WSB1: variants seen among roughly 807,000 people sequenced by gnomAD.
WSB1 encodes the protein WD repeat and SOCS box containing 1.
WSB1 carries 23 observed loss-of-function variants against 50.2 expected under a neutral mutation model. That is an observed-to-expected ratio of 0.46 (90% CI 0.33 to 0.65). The LOEUF is 0.65. Ranked by LOEUF, WSB1 falls within the 30% of genes least tolerant of loss-of-function variation. WSB1 has a pLI of 0.02. For missense variants in WSB1, 492 were observed against 522.3 expected, an observed-to-expected ratio of 0.94 and a Z score of 0.56; for synonymous variants, 179 against 172.0, an observed-to-expected ratio of 1.04 and a Z score of -0.32.
intron 1 of WSB1, among the ~76,000 whole-genome samples, chr17:27,299,400 A>G (rs2017129025): frequency 6.6e-6 from 1 of 152,154 alleles, no homozygotes; most frequent in Admixed American, 6.5e-5. Flanking sequence ...GGTCCCAGCT[A>G]CTTGGGAGGC....
In WSB1 at chr17:27,314,631, A is replaced by G. The variant is rs1473183235; in HGVS notation, c.*2262A>G. The stretch of plus-strand genomic sequence containing the variant: ...CATTATTTTTGCTTTCCACACCAAC[A>G]TATCCAGTCAAGTAAAAACAGCTTT... On this transcript the variant is annotated 3_prime_UTR_variant, in exon 9 of 9. Coordinates refer to ENST00000262394, the MANE Select transcript of WSB1 (RefSeq NM_015626.10). 1.3e-5 allele frequency: 2 copies of G among 152,098 alleles called. No individual in the cohort carries two copies. Among genetic ancestry groups the G allele is most frequent in the South Asian group, 2.1e-4 (1 of 4,824 alleles). 9.4% of individuals were successfully genotyped at this position (152,098 alleles called of 1,614,324 possible).
chr17:27,294,142 G>A lies in WSB1; in HGVS notation c.-254G>A. 3.0e-6 allele frequency: 1 copy of A among 336,890 alleles called. No homozygotes were observed. The highest frequency in any genetic ancestry group is 5.4e-6 in the Non-Finnish European group (1 of 185,214). The allele number at this position is 336,890 out of a possible 1,614,324, so 20.9% of individuals were successfully genotyped here. A position where few individuals can be genotyped will look rare whatever the true frequency, so the allele number is the denominator to read the frequency against. On this transcript the variant is annotated 5_prime_UTR_variant, in exon 1 of 9. Coordinates refer to ENST00000262394, the MANE Select transcript of WSB1 (RefSeq NM_015626.10). Reference sequence around the variant, plus strand: ...GTCTCGTTTGCAGTCGGCGCTTTAGGGGAACTGTCTTCCTCCGCAGGCGCG... The same window carrying A: ...GTCTCGTTTGCAGTCGGCGCTTTAGAGGAACTGTCTTCCTCCGCAGGCGCG...
At chr17:27,311,667 A>G (rs375518764) in intron 8 of WSB1, 51 bp downstream of exon 8, 16 of 1,057,770 alleles carry the variant, frequency 1.5e-5, no homozygotes, top group Non-Finnish European at 1.8e-5. Flanking sequence ...TTTGAGATGT[A>G]GTCTCCCAGG....
intron 7 of WSB1, among the ~76,000 whole-genome samples, chr17:27,311,283 G>A (rs1428182524): frequency 6.6e-6 from 1 of 152,180 alleles, no homozygotes; most frequent in African/African-American, 2.4e-5. Context: ...AGGGAAGGCA[G>A]CCATGCATTG....
rs1456231824 is a variant in WSB1, at chr17:27,294,304, A to G, written c.-92A>G. ...TCCTCTGTCCCTGGGCCCGGGAGGGACCAACTTGGCGTCACGCCCCTCAGC... is the reference window on the plus strand; with the variant it reads ...TCCTCTGTCCCTGGGCCCGGGAGGGGCCAACTTGGCGTCACGCCCCTCAGC... On this transcript the variant is annotated 5_prime_UTR_variant, in exon 1 of 9. Transcript: ENST00000262394. 13 of 1,547,648 alleles carry G rather than the reference A, an allele frequency of 8.4e-6. No homozygotes were observed. The highest frequency in any genetic ancestry group is 2.3e-5 in the East Asian group (1 of 43,550).
rs2016861236 is a variant in WSB1, at chr17:27,294,492, C to G, written c.40+57C>G. ...GGGCCGAGGAGAGGCAGGGACTCCC[C>G]GGAGGAGGTTTGGGAGGAAGCGACT... On this transcript the variant is annotated intron_variant, in intron 1 of 8. Coordinates refer to ENST00000262394, the MANE Select transcript of WSB1 (RefSeq NM_015626.10). The G allele has an allele frequency of 3.6e-5, 57 of 1,600,280 alleles. 2 individuals carry two copies. The South Asian group carries it at 5.8e-4, about 16-fold the overall frequency.
chr17:27,305,922 A>T (rs562275277), intron 4 of WSB1, among the ~76,000 whole-genome samples: 1 of 152,310 alleles, frequency 6.6e-6, no homozygotes, highest in East Asian at 1.9e-4. Flanking sequence ...AAGCTCCAAG[A>T]TAGTGGGGTC....
intron 6 of WSB1, among the ~76,000 whole-genome samples, chr17:27,309,587 A>C (rs2017586833): frequency 7.2e-6 from 1 of 138,922 alleles, no homozygotes; most frequent in Non-Finnish European, 1.6e-5. Context: ...AAATCATAAA[A>C]GATTTTTTTT....
intron 4 of WSB1, among the ~76,000 whole-genome samples, chr17:27,306,082 T>C (rs1443871915): frequency 4.6e-5 from 7 of 152,086 alleles, no homozygotes; most frequent in African/African-American, 1.7e-4. Flanking sequence ...GAGTGAGTTG[T>C]AGGTTCTCAA....
chr17:27,310,033 T>G, intron 6 of WSB1, 28 bp from the exon 7 acceptor site: 2 of 1,588,282 alleles, frequency 1.3e-6, no homozygotes, highest in African/African-American at 1.3e-5. Flanking sequence ...GTGACTGATA[T>G]CCACTGAAAA....
chr17:27,312,677 CAT>C lies in WSB1; in HGVS notation c.*309_*310del, dbSNP rs1159993035. The C allele has an allele frequency of 4.0e-6, 1 of 247,150 alleles. No homozygotes were observed. The highest frequency in any genetic ancestry group is 7.8e-6 in the Non-Finnish European group (1 of 128,652). 15.3% of individuals were successfully genotyped at this position (247,150 alleles called of 1,614,324 possible). A position where few individuals can be genotyped will look rare whatever the true frequency, so the allele number is the denominator to read the frequency against. ...TTGCTTTTCTGATTTTTAGTTCTGA[CAT>C]GTATATATTGCTTCAGTAGAGCCAC... On this transcript the variant is annotated 3_prime_UTR_variant, in exon 9 of 9. Coordinates refer to ENST00000262394, the MANE Select transcript of WSB1 (RefSeq NM_015626.10).
In WSB1 at chr17:27,311,635, T is replaced by C. The variant is rs768696636; in HGVS notation, c.1106+19T>C. On this transcript the variant is annotated intron_variant, in intron 8 of 8. Coordinates refer to ENST00000262394, the MANE Select transcript of WSB1 (RefSeq NM_015626.10). ...CTGCTGGGTAAATATATTTTTCTCT[T>C]TTTTTTTTTTTTTTTTTTTTTTTTG... 7.4e-4 allele frequency: 352 copies of C among 477,988 alleles called. No individual in the cohort carries two copies. Among genetic ancestry groups the C allele is most frequent in the Non-Finnish European group, 9.1e-4 (319 of 348,816 alleles). 29.6% of individuals were successfully genotyped at this position (477,988 alleles called of 1,614,324 possible). A position where few individuals can be genotyped will look rare whatever the true frequency, so the allele number is the denominator to read the frequency against.
intron 2 of WSB1, 140 bp downstream of exon 2, chr17:27,302,096 A>G (rs1482997490): frequency 1.8e-6 from 2 of 1,104,710 alleles, no homozygotes; most frequent in African/African-American, 3.3e-5. Context: ...GGCTGAATAT[A>G]TTTATTGGAA....
At chr17:27,308,623 G>A in intron 5 of WSB1, 2 of 985,960 alleles carry the variant, frequency 2.0e-6, no homozygotes, top group Non-Finnish European at 2.4e-6. Flanking sequence ...GGTGACCCAA[G>A]CCTATTGTAA....
At chr17:27,299,054 G>T (rs779525254) in intron 1 of WSB1, among the ~76,000 whole-genome samples, 26 of 152,044 alleles carry the variant, frequency 1.7e-4, no homozygotes, top group Admixed American at 1.4e-3. Context: ...AAGCAGGCAG[G>T]GGTTGCAAAT....
chr17:27,304,484 A>C (rs944308091), intron 3 of WSB1, among the ~76,000 whole-genome samples: 3 of 136,728 alleles, frequency 2.2e-5, no homozygotes, highest in African/African-American at 8.3e-5. Flanking sequence ...GGATCACTTG[A>C]GCCCAGGAGT....
At chr17:27,304,441 G>A (rs535843783) in intron 3 of WSB1, among the ~76,000 whole-genome samples, 2 of 146,596 alleles carry the variant, frequency 1.4e-5, no homozygotes, top group East Asian at 4.2e-4. Flanking sequence ...GTTCATGCCT[G>A]TAATTCCAGC....
At chr17:27,303,936 G>A (rs2017339027) in intron 3 of WSB1, among the ~76,000 whole-genome samples, 1 of 152,196 alleles carries the variant, frequency 6.6e-6, no homozygotes, top group Non-Finnish European at 1.5e-5. Flanking sequence ...TGACTCACAT[G>A]TCAAGGTGTT....
chr17:27,299,704 A>C (rs2017146387), intron 1 of WSB1, among the ~76,000 whole-genome samples: 1 of 152,224 alleles, frequency 6.6e-6, no homozygotes, highest in South Asian at 2.1e-4. Flanking sequence ...TAGGATGGGA[A>C]ATGGACTTGA....
Sources: allele counts gnomAD v4.1 joint callset (sites outside exome capture counted in the v4.1 genomes callset), GRCh38; gene constraint gnomAD v4.1.1; transcripts MANE v1.5; gene names NCBI Gene and HGNC (gene_info 2026-07-23, HGNC 2026-07-21).